NTNG2: variants seen among roughly 807,000 people sequenced by gnomAD.
NTNG2 encodes netrin-G2.
NTNG2 carries 15 observed loss-of-function variants against 47.6 expected under a neutral mutation model. The ratio of observed to expected loss-of-function variants is 0.32; its 90% CI spans 0.21 to 0.49. NTNG2 has a LOEUF of 0.49. Among genes scored for constraint, NTNG2 ranks in the 20% least tolerant of loss-of-function variants. The probability of loss-of-function intolerance (pLI) is 0.99; values close to 1 mark genes in which losing one functional copy is unlikely to be tolerated. For synonymous variants in NTNG2, 307 were observed against 324.6 expected, an observed-to-expected ratio of 0.95 and a Z score of 0.58; for missense variants, 578 against 764.6, an observed-to-expected ratio of 0.76 and a Z score of 2.88.
intron 2 of NTNG2, among the ~76,000 whole-genome samples, chr9:132,189,064 C>CGTTTTTTTTTTT (rs1837636142): frequency 4.9e-5 from 3 of 61,774 alleles, no homozygotes; most frequent in East Asian, 8.8e-4. Flanking sequence ...GGCTTTAAGC[C>CGTTTTTTTTTTT]TTTCTTTTTT....
Position 132,181,864 on chromosome 9 carries a change from G to A in NTNG2, c.213+14820G>A, listed in dbSNP as rs111867590. Among the ~76,000 whole-genome samples the A allele has an allele frequency of 1.1e-3, 166 of 152,352 alleles. 1 individual carries two copies. The highest frequency in any genetic ancestry group is 3.6e-3 in the African/African-American group (149 of 41,582). On this transcript the variant is annotated intron_variant, in intron 2 of 7. Coordinates refer to ENST00000393229, the MANE Select transcript of NTNG2 (RefSeq NM_032536.4). ...GAGGCTGGCACCTCCAGCCTGGGCC[G>A]CCCGGCCCGGCATCCAGGTTCCTAA...
At chr9:132,176,258 A>C (rs956343979) in intron 2 of NTNG2, among the ~76,000 whole-genome samples, 1 of 152,302 alleles carries the variant, frequency 6.6e-6, no homozygotes, top group South Asian at 2.1e-4. Context: ...AATTCAGTAC[A>C]TTCACAATGT....
chr9:132,163,491 G>A lies in NTNG2; in HGVS notation c.-484+1252G>A, dbSNP rs1835247194. 6.6e-6 allele frequency among the ~76,000 whole-genome samples: 1 copy of A among 152,088 alleles called. No homozygotes were observed. Among genetic ancestry groups the A allele is most frequent in the Admixed American group, 6.5e-5 (1 of 15,284 alleles). ...GGGCGCCCGCTGGACCCCGCCCGGG[G>A]CAGAGGACGGGAAGGTGACCCCGCC... On this transcript the variant is annotated intron_variant, in intron 1 of 7. Coordinates refer to ENST00000393229, the MANE Select transcript of NTNG2 (RefSeq NM_032536.4). The surrounding 1 kb of genome is among the most constrained non-coding windows in gnomAD (Gnocchi z 7.2).
intron 6 of NTNG2, among the ~76,000 whole-genome samples, chr9:132,239,746 A>G (rs1261382498): frequency 6.6e-6 from 1 of 152,220 alleles, no homozygotes; most frequent in Non-Finnish European, 1.5e-5. Flanking sequence ...TGCTGCGTGC[A>G]TTTGTGCAAG....
chr9:132,172,327 C>T (rs1835989658), intron 2 of NTNG2, among the ~76,000 whole-genome samples: 1 of 152,206 alleles, frequency 6.6e-6, no homozygotes, highest in African/African-American at 2.4e-5. Flanking sequence ...TACTGACTGG[C>T]CTATCAGTGA....
At chr9:132,192,443 TAGC>T in intron 2 of NTNG2, among the ~76,000 whole-genome samples, 1 of 151,976 alleles carries the variant, frequency 6.6e-6, no homozygotes, top group Non-Finnish European at 1.5e-5. Context: ...ATACAAAAAT[TAGC>T]CAGGCGTGGT....
chr9:132,240,906 C>T lies in NTNG2; in HGVS notation c.1223-4C>T, dbSNP rs778295843. ...ACCGCGCGCCCGTGCCCGTGTCCGT[C>T]CAGAGTGTAACTGCAACCAGATAGG... On this transcript the variant is annotated splice_polypyrimidine_tract_variant and splice_region_variant and intron_variant, in intron 6 of 7. Transcript: ENST00000393229. 10 of 1,612,896 alleles carry T rather than the reference C, an allele frequency of 6.2e-6. No individual in the cohort carries two copies. The South Asian group carries it at 9.9e-5, about 16-fold the overall frequency.
At chr9:132,161,785 G>A (rs1835057596), upstream of NTNG2, 1 of 151,580 alleles carries the variant, frequency 6.6e-6, no homozygotes, top group Admixed American at 6.6e-5. The surrounding 1 kb of genome is among the most constrained non-coding windows in gnomAD (Gnocchi z 7.2). Flanking sequence ...GGGCAGTGAA[G>A]CGCCCGCCAT....
At chr9:132,178,551 A>G (rs1836661338) in intron 2 of NTNG2, among the ~76,000 whole-genome samples, 1 of 152,246 alleles carries the variant, frequency 6.6e-6, no homozygotes, top group South Asian at 2.1e-4. Context: ...AGGGGACCCC[A>G]GAAGCAGGTG....
rs1003781180 is a variant in NTNG2 at position 132,243,224 on chromosome 9, A to G, written c.*1113A>G. On this transcript the variant is annotated 3_prime_UTR_variant, in exon 8 of 8. Coordinates refer to ENST00000393229, the MANE Select transcript of NTNG2 (RefSeq NM_032536.4). Reference sequence around the variant, plus strand: ...GGTGGCCACCTCCGATGGATGTGTCATCTCAGACCTGTTGCAGCCGGAGCC... The same window carrying G: ...GGTGGCCACCTCCGATGGATGTGTCGTCTCAGACCTGTTGCAGCCGGAGCC... 2 of 152,246 alleles carry G rather than the reference A, an allele frequency of 1.3e-5. No individual in the cohort carries two copies. Among genetic ancestry groups the G allele is most frequent in the African/African-American group, 2.4e-5 (1 of 41,458 alleles). The allele number at this position is 152,246 out of a possible 1,614,324, so 9.4% of individuals were successfully genotyped here.
At chr9:132,181,373 G>A (rs1836920772) in intron 2 of NTNG2, among the ~76,000 whole-genome samples, 2 of 149,868 alleles carry the variant, frequency 1.3e-5, no homozygotes, top group Admixed American at 6.6e-5. Context: ...CAGGCTGGAG[G>A]GCAGTGGCAT....
intron 2 of NTNG2, among the ~76,000 whole-genome samples, chr9:132,171,136 G>A (rs1409296737): frequency 6.6e-6 from 1 of 152,148 alleles, no homozygotes; most frequent in Non-Finnish European, 1.5e-5. Context: ...GGAGCCAGTG[G>A]AAGGTTCCAG....
Position 132,230,565 on chromosome 9 carries a change from C to T in NTNG2, c.1031-7C>T, listed in dbSNP as rs779037806. Reference sequence around the variant, plus strand: ...GCAGCCAGCTCACGCCCGTCTCTCTCCCACAGGTGCCACTGCAGGTTCCTT... The same window carrying T: ...GCAGCCAGCTCACGCCCGTCTCTCTTCCACAGGTGCCACTGCAGGTTCCTT... On this transcript the variant is annotated splice_polypyrimidine_tract_variant and splice_region_variant and intron_variant, in intron 4 of 7. Transcript: ENST00000393229. 3 of 1,603,320 alleles carry T rather than the reference C, an allele frequency of 1.9e-6. No individual in the cohort carries two copies. Among genetic ancestry groups the T allele is most frequent in the South Asian group, 2.3e-5 (2 of 88,858 alleles).
At chr9:132,237,320 G>T (rs1178155353) in intron 5 of NTNG2, among the ~76,000 whole-genome samples, 1 of 152,176 alleles carries the variant, frequency 6.6e-6, no homozygotes. Flanking sequence ...AAGGCTGCCT[G>T]CCCTAGAGCT....
At chr9:132,178,276 G>A (rs1836635620) in intron 2 of NTNG2, among the ~76,000 whole-genome samples, 1 of 152,102 alleles carries the variant, frequency 6.6e-6, no homozygotes, top group Admixed American at 6.5e-5. Flanking sequence ...GGAAGGAGAT[G>A]CTGTGACTTC....
chr9:132,234,154 G>A (rs1589553428), intron 5 of NTNG2, among the ~76,000 whole-genome samples: 2 of 151,488 alleles, frequency 1.3e-5, no homozygotes, highest in South Asian at 2.1e-4. Context: ...TCAGCCTCCC[G>A]AGTAGCTGGG....
Position 132,224,826 on chromosome 9 carries a change from C to T in NTNG2, c.858-2023C>T, listed in dbSNP as rs144417503. Among the ~76,000 whole-genome samples, 123 of 152,298 alleles carry T rather than the reference C, an allele frequency of 8.1e-4. 1 individual carries two copies. Among genetic ancestry groups the T allele is most frequent in the African/African-American group, 2.8e-3 (118 of 41,558 alleles). ...GATGAACCTCTGTGTACCTCTCACCCGACTGCAGTTACCAACTAGTGAATC... is the reference window on the plus strand; with the variant it reads ...GATGAACCTCTGTGTACCTCTCACCTGACTGCAGTTACCAACTAGTGAATC... On this transcript the variant is annotated intron_variant, in intron 3 of 7. Coordinates refer to ENST00000393229, the MANE Select transcript of NTNG2 (RefSeq NM_032536.4).
In NTNG2 at chr9:132,197,922, G is replaced by A. The variant is rs11243663; in HGVS notation, c.214-44G>A. Reference sequence around the variant, plus strand: ...GCGCAGAGGCTTCCCAGGCCATCCCGAGCATCCAGCACCCACCCTTCCCTT... The same window carrying A: ...GCGCAGAGGCTTCCCAGGCCATCCCAAGCATCCAGCACCCACCCTTCCCTT... On this transcript the variant is annotated intron_variant, in intron 2 of 7. Coordinates refer to ENST00000393229, the MANE Select transcript of NTNG2 (RefSeq NM_032536.4). This position sits in a 1 kb window ranked among gnomAD's most constrained non-coding sequence, Gnocchi z 4.3. The A allele has an allele frequency of 0.42, 652,589 of 1,557,416 alleles. 138,593 individuals carry two copies. Among genetic ancestry groups the A allele is most frequent in the Middle Eastern group, 0.53 (2,221 of 4,220 alleles).
In NTNG2 at chr9:132,208,996, G is replaced by A. The variant is rs1188259080; in HGVS notation, c.857+10387G>A. Among the ~76,000 whole-genome samples the A allele has an allele frequency of 2.0e-5, 3 of 152,166 alleles. No individual in the cohort carries two copies. The highest frequency in any genetic ancestry group is 2.1e-4 in the South Asian group (1 of 4,832). On this transcript the variant is annotated intron_variant, in intron 3 of 7. Coordinates refer to ENST00000393229, the MANE Select transcript of NTNG2 (RefSeq NM_032536.4). The surrounding 1 kb of genome is among the most constrained non-coding windows in gnomAD (Gnocchi z 4.0). ...TCACTGTGCCTCTGAGGCTTATGGC[G>A]TGGCCGCCTGCGTGGCTCGGGCTCC...
Sources: allele counts gnomAD v4.1 joint callset (sites outside exome capture counted in the v4.1 genomes callset), GRCh38; gene constraint gnomAD v4.1.1; non-coding constraint Gnocchi (gnomAD v3.1); transcripts MANE v1.5; gene names NCBI Gene and HGNC (gene_info 2026-07-23, HGNC 2026-07-21).